NBEA: variants seen among roughly 807,000 people sequenced by gnomAD.
NBEA encodes neurobeachin.
In NBEA, 44 loss-of-function variants were observed where a neutral mutation model predicts 343.4. The ratio of observed to expected loss-of-function variants is 0.13; its 90% CI spans 0.10 to 0.16. The LOEUF is 0.16. Among genes scored for constraint, NBEA ranks in the 10% least tolerant of loss-of-function variants. NBEA has a pLI of 1.00. For missense variants in NBEA, 2,555 were observed against 3,631.3 expected (o/e 0.70, Z 7.62); for synonymous variants, 1,175 against 1,238.7 (o/e 0.95, Z 1.08).
intron 53 of NBEA, among the ~76,000 whole-genome samples, chr13:35,654,258 T>A (rs2084695909): frequency 6.6e-6 from 1 of 152,154 alleles, no homozygotes; most frequent in African/African-American, 2.4e-5. Flanking sequence ...CCCTCTCTCA[T>A]CTTTTTTGTT....
At chr13:35,349,838 C>T (rs1393065674) in intron 37 of NBEA, among the ~76,000 whole-genome samples, 2 of 152,058 alleles carry the variant, frequency 1.3e-5, no homozygotes, top group Non-Finnish European at 2.9e-5. Flanking sequence ...CTCAGTAAAG[C>T]AGCTCTGTGA....
intron 38 of NBEA, among the ~76,000 whole-genome samples, chr13:35,428,613 T>C (rs547637492): frequency 1.3e-5 from 2 of 152,204 alleles, no homozygotes; most frequent in Non-Finnish European, 2.9e-5. Flanking sequence ...ATTTCTTTGC[T>C]AAGTGTATTT....
intron 44 of NBEA, among the ~76,000 whole-genome samples, chr13:35,557,844 AAG>A (rs1192071644): frequency 6.6e-6 from 1 of 152,120 alleles, no homozygotes; most frequent in African/African-American, 2.4e-5. Flanking sequence ...GGGAGAAAAA[AAG>A]AGAAGAGCTT....
chr13:35,584,155 T>A, intron 46 of NBEA, 117 bp downstream of exon 46: 1 of 1,081,170 alleles, frequency 9.2e-7, no homozygotes, highest in Non-Finnish European at 1.4e-6. Flanking sequence ...ACGAGTGAAG[T>A]AGAAATTAAA....
At position 35,513,996 on chromosome 13, in the gene NBEA, T is replaced by C. The variant is rs1442611804; in HGVS notation, c.6586-36481T>C. Among the ~76,000 whole-genome samples the C allele has an allele frequency of 3.3e-5, 5 of 152,100 alleles. 1 individual carries two copies. ...TAGTAGAAGTGTAATAAAATTAATA[T>C]ACATTTTAAATTATTTCTACATAAA... is the stretch of plus-strand genomic sequence containing the variant. On this transcript the variant is annotated intron_variant, in intron 41 of 58. Transcript: ENST00000379939.
intron 10 of NBEA, among the ~76,000 whole-genome samples, chr13:35,085,352 G>C (rs2064691528): frequency 6.6e-6 from 1 of 152,064 alleles, no homozygotes; most frequent in African/African-American, 2.4e-5. Flanking sequence ...CAGGCAAACT[G>C]AATCCAGCAG....
intron 49 of NBEA, among the ~76,000 whole-genome samples, chr13:35,638,164 A>G (rs1407737499): frequency 6.6e-6 from 1 of 152,200 alleles, no homozygotes; most frequent in Non-Finnish European, 1.5e-5. Flanking sequence ...TTAGAAGATG[A>G]AAAGAGTTCT....
At chr13:35,555,475 G>A (rs1017024977) in intron 44 of NBEA, among the ~76,000 whole-genome samples, 13 of 152,076 alleles carry the variant, frequency 8.5e-5, no homozygotes, top group African/African-American at 3.1e-4. Flanking sequence ...ATTCTGCCTA[G>A]TACAGATGTC....
chr13:35,594,465 A>G (rs1016485893), intron 47 of NBEA, among the ~76,000 whole-genome samples: 1 of 152,158 alleles, frequency 6.6e-6, no homozygotes, highest in Admixed American at 6.6e-5. Flanking sequence ...AGATTGTAAC[A>G]TATCTGTGTG....
chr13:35,445,275 A>G (rs975959372), intron 39 of NBEA, among the ~76,000 whole-genome samples: 19 of 152,026 alleles, frequency 1.2e-4, no homozygotes, highest in African/African-American at 4.3e-4. Context: ...TTCAGTTTTA[A>G]TTATGTATTC....
intron 34 of NBEA, chr13:35,251,382 C>T: frequency 9.6e-7 from 1 of 1,043,816 alleles, no homozygotes; most frequent in South Asian, 3.2e-5. Context: ...TGACTGTGTG[C>T]TGGTGTTCTG....
chr13:35,124,612 A>G (rs556898577), intron 17 of NBEA, among the ~76,000 whole-genome samples: 52 of 148,092 alleles, frequency 3.5e-4, no homozygotes, highest in African/African-American at 1.1e-3. Flanking sequence ...ATATACACAT[A>G]CATATATATG....
intron 1 of NBEA, among the ~76,000 whole-genome samples, chr13:34,973,095 G>A (rs2060051428): frequency 6.6e-6 from 1 of 152,032 alleles, no homozygotes; most frequent in Non-Finnish European, 1.5e-5. Flanking sequence ...AGTCATTTCG[G>A]GTTTTCCAGT....
At chr13:35,567,146 A>G (rs114463699) in intron 45 of NBEA, 129 bp downstream of exon 45, 5,211 of 509,950 alleles carry the variant, frequency 0.01, 218 homozygotes, top group African/African-American at 0.09. Flanking sequence ...TTACATAGTC[A>G]GTTTCTAAAT....
intron 1 of NBEA, among the ~76,000 whole-genome samples, chr13:34,958,530 A>AAATTTTTAAAAAAAAAATT (rs541194395): frequency 3.9e-5 from 6 of 152,020 alleles, no homozygotes; most frequent in Admixed American, 1.3e-4. Context: ...TTGGGTCAGG[A>AAATTTTTAAAAAAAAAATT]TTTGAAGAAA....
chr13:35,467,201 C>T (rs183801808), intron 40 of NBEA, among the ~76,000 whole-genome samples: 432 of 152,182 alleles, frequency 2.8e-3, no homozygotes, highest in African/African-American at 3.7e-3. Context: ...TGGCCAGGTG[C>T]GGTGGCTCAG....
intron 49 of NBEA, among the ~76,000 whole-genome samples, chr13:35,633,139 G>T (rs1271383185): frequency 6.6e-6 from 1 of 151,432 alleles, no homozygotes; most frequent in Non-Finnish European, 1.5e-5. Flanking sequence ...GTCTCGCTCT[G>T]TCGCCCAGGC....
intron 36 of NBEA, among the ~76,000 whole-genome samples, chr13:35,340,381 C>T (rs1012052319): frequency 2.0e-5 from 3 of 151,892 alleles, no homozygotes; most frequent in Non-Finnish European, 2.9e-5. Flanking sequence ...TGCATGATTC[C>T]ACTTGTATGA....
At chr13:35,182,200 A>G (rs1156404014) in intron 28 of NBEA, among the ~76,000 whole-genome samples, 160 bp from the exon 29 acceptor site, 31 of 151,076 alleles carry the variant, frequency 2.1e-4, no homozygotes. Context: ...TTATAGTTAA[A>G]TAATACTTAT....
Sources: allele counts gnomAD v4.1 joint callset (sites outside exome capture counted in the v4.1 genomes callset), GRCh38; gene constraint gnomAD v4.1.1; transcripts MANE v1.5; gene names NCBI Gene and HGNC (gene_info 2026-07-23, HGNC 2026-07-21).